The following RETSAT variants were observed in gnomAD, a reference collection of about 807,000 sequenced individuals.
RETSAT encodes retinol saturase.
A neutral mutation model predicts 61.6 loss-of-function variants in RETSAT; 35 were observed. The ratio of observed to expected loss-of-function variants is 0.57; its 90% CI spans 0.43 to 0.75. The LOEUF is 0.75. Ranked by LOEUF, RETSAT falls within the 30% of genes least tolerant of loss-of-function variation. RETSAT has a pLI of 0.00. For missense variants in RETSAT, 670 were observed against 759.5 expected (o/e 0.88, Z 1.38); for synonymous variants, 277 against 310.4 (o/e 0.89, Z 1.13).
intron 4 of RETSAT, 37 bp from the exon 5 acceptor site, chr2:85,349,618 A>G (rs1393647330): frequency 1.9e-6 from 3 of 1,554,666 alleles, no homozygotes; most frequent in Non-Finnish European, 2.7e-6. Context: ...CTGGCAAGAG[A>G]AGGCACCAGC....
At chr2:85,345,572 T>C (rs1683182148) in intron 6 of RETSAT, 1 of 352,782 alleles carries the variant, frequency 2.8e-6, no homozygotes, top group Non-Finnish European at 5.6e-6. Flanking sequence ...TCCAGTTACA[T>C]GAAGGTGGCG....
At position 85,351,105 on chromosome 2, in the gene RETSAT, G is replaced by C. The variant is rs575037899; in HGVS notation, c.356-84C>G. 10 of 1,543,194 alleles carry C rather than the reference G, an allele frequency of 6.5e-6. No homozygotes were observed. In the South Asian group the frequency reaches 1.1e-4, roughly 17 times the overall value. On this transcript the variant is annotated intron_variant, in intron 2 of 10. Transcript: ENST00000295802. ...GTGGCTGAGGAAGTGAGGTGGAAGA[G>C]TTTATCTGGCCTGGCCAAGTTCACG...
chr2:85,346,053 A>G lies in RETSAT; in HGVS notation c.1039T>C (p.Cys347Arg), dbSNP rs909275721. Residue 347 changes from cysteine (C) to arginine (R), a missense_variant, in exon 6 of 11, where the codon TGC becomes CGC. Physicochemically the swap from Cys to Arg is radical, Grantham distance 180. Transcript: ENST00000295802. Reference sequence around the variant, plus strand: ...CCTGCGTTGGAGACCACGATGGGGCAATAGATGTTCACCAGCTCATGCCCC... The same window carrying G: ...CCTGCGTTGGAGACCACGATGGGGCGATAGATGTTCACCAGCTCATGCCCC... ...KKGHELVNIY[C>R]PIVVSNAGLF... 2 of 1,614,102 alleles carry G rather than the reference A, an allele frequency of 1.2e-6. No individual in the cohort carries two copies. The highest frequency in any genetic ancestry group is 1.3e-5 in the African/African-American group (1 of 75,068).
intron 1 of RETSAT, among the ~76,000 whole-genome samples, chr2:85,353,185 AT>A: frequency 6.6e-6 from 1 of 152,248 alleles, no homozygotes; most frequent in Non-Finnish European, 1.5e-5. Flanking sequence ...GCCAGGCGTG[AT>A]GGCTCACGCC....
intron 4 of RETSAT, 67 bp downstream of exon 4, chr2:85,349,973 G>A (rs1329845854): frequency 1.7e-5 from 25 of 1,472,718 alleles, no homozygotes; most frequent in Non-Finnish European, 2.4e-5. Flanking sequence ...CGAGAAGAAA[G>A]ATTGAGAGAT....
chr2:85,348,569 T>G (rs1683241003), intron 5 of RETSAT, among the ~76,000 whole-genome samples: 1 of 127,134 alleles, frequency 7.9e-6, no homozygotes, highest in Non-Finnish European at 1.6e-5. Context: ...AGGCGGAGCT[T>G]GCAGTGAGCC....
At chr2:85,350,316 AC>A (rs1206117117) in intron 3 of RETSAT, 75 bp from the exon 4 acceptor site, 1 of 1,132,624 alleles carries the variant, frequency 8.8e-7, no homozygotes, top group Admixed American at 1.8e-5. Flanking sequence ...CATAGCCTGG[AC>A]CAGCCCAAGA....
intron 3 of RETSAT, among the ~76,000 whole-genome samples, 181 bp from the exon 4 acceptor site, chr2:85,350,422 G>C (rs1437208446): frequency 6.6e-6 from 1 of 152,152 alleles, no homozygotes; most frequent in African/African-American, 2.4e-5. Context: ...ACACTCGGAT[G>C]AGTCCTTTTT....
Position 85,351,751 on chromosome 2 carries a change from A to T in RETSAT, c.284T>A (p.Val95Glu), listed in dbSNP as rs1211084952. 2 of 1,614,182 alleles carry T rather than the reference A, an allele frequency of 1.2e-6. No individual in the cohort carries two copies. ...CCCTGCCTTGGTATGTTGTTCCAGC[A>T]CCAGGACTCGCTTGCCAGCTTTAGC... ...ILAKAGKRVL[V>E]LEQHTKAGGC... The change falls in exon 2 of 11, where the codon GTG becomes GAG. Residue 95 changes from valine to glutamate, a missense_variant. Val to Glu is a moderately radical substitution (Grantham distance 121). Coordinates refer to ENST00000295802, the MANE Select transcript of RETSAT (RefSeq NM_017750.4).
rs562876466 is a variant in RETSAT, at chr2:85,346,166, A to G, written c.998-72T>C. ...AGAGAAAGGCCCACGGCCCCCATGG[A>G]TCTCTCTCTGCCTGTGCCCATTTCT... On this transcript the variant is annotated intron_variant, in intron 5 of 10. Transcript: ENST00000295802. 1.9e-5 allele frequency: 29 copies of G among 1,555,228 alleles called. No homozygotes were observed. The South Asian group carries it at 3.2e-4, about 17-fold the overall frequency.
chr2:85,343,608 A>G (rs140433565), intron 10 of RETSAT, 31 bp downstream of exon 10: 35,968 of 1,611,610 alleles, frequency 0.022, 193 homozygotes, highest in Non-Finnish European at 0.026. Context: ...CCAGGGTCTC[A>G]GGTCCTGACA....
rs776208590 is a variant in RETSAT at position 85,346,106 on chromosome 2, A to G, written c.998-12T>C. The G allele has an allele frequency of 1.2e-6, 2 of 1,607,142 alleles. No homozygotes were observed. The highest frequency in any genetic ancestry group is 1.7e-5 in the Admixed American group (1 of 59,838). On this transcript the variant is annotated splice_polypyrimidine_tract_variant and intron_variant, in intron 5 of 10. Transcript: ENST00000295802. ...CTTCACACTGACACCTGCAGGCACA[A>G]GAGCTTGGCTGAGGGTCTGTGAGCT...
At chr2:85,347,784 T>C (rs544071408) in intron 5 of RETSAT, among the ~76,000 whole-genome samples, 1 of 152,352 alleles carries the variant, frequency 6.6e-6, no homozygotes, top group South Asian at 2.1e-4. Flanking sequence ...AAGGAGAACT[T>C]GTTCATGGAC....
rs986574163 is a variant in RETSAT, at chr2:85,349,496, A to C, written c.885T>G (p.Gly295=). The C allele has an allele frequency of 6.2e-7, 1 of 1,613,872 alleles. No individual in the cohort carries two copies. Among genetic ancestry groups the C allele is most frequent in the Non-Finnish European group, 8.5e-7 (1 of 1,179,976 alleles). Residue 295 remains glycine, a synonymous_variant, in exon 5 of 11, where the codon GGT becomes GGG. Transcript: ENST00000295802. Reference sequence around the variant, plus strand: ...TGGTGTGGAAGGCAATTTCACTGGAACCCCCTCGGGGATAAAAGCCTCCTT... The same window carrying C: ...TGGTGTGGAAGGCAATTTCACTGGACCCCCCTCGGGGATAAAAGCCTCCTT... The part of the protein sequence containing the change: ...YMKGGFYPRG[G]SSEIAFHTIP...
chr2:85,349,137 A>T (rs1683255996), intron 5 of RETSAT, among the ~76,000 whole-genome samples: 1 of 150,520 alleles, frequency 6.6e-6, no homozygotes, highest in Non-Finnish European at 1.5e-5. Flanking sequence ...TGATCCTCCC[A>T]TCTCAGCCTC....
chr2:85,344,545 C>G, intron 7 of RETSAT, 49 bp downstream of exon 7: 1 of 1,602,342 alleles, frequency 6.2e-7, no homozygotes, highest in East Asian at 2.2e-5. Flanking sequence ...TTCTCTGAGT[C>G]AAGCAGGGAG....
Position 85,350,093 on chromosome 2 carries a change from A to C in RETSAT, c.746T>G (p.Leu249Arg). 1 of 1,614,004 alleles carries C rather than the reference A, an allele frequency of 6.2e-7. No individual in the cohort carries two copies. Among genetic ancestry groups the C allele is most frequent in the Non-Finnish European group, 8.5e-7 (1 of 1,180,036 alleles). ...TQSLAEVLQQ[L>R]GASSELQAVL... Reference sequence around the variant, plus strand: ...TGCCTGGAGCTCAGAGGAGGCCCCCAGCTGCTGCAGGACCTCAGCCAGGCT... The same window carrying C: ...TGCCTGGAGCTCAGAGGAGGCCCCCCGCTGCTGCAGGACCTCAGCCAGGCT... The change falls in exon 4 of 11, where the codon CTG becomes CGG. Residue 249 changes from leucine to arginine, a missense_variant. Transcript: ENST00000295802.
intron 1 of RETSAT, 27 bp downstream of exon 1, chr2:85,354,309 C>T: frequency 6.2e-7 from 1 of 1,613,176 alleles, no homozygotes; most frequent in Non-Finnish European, 8.5e-7. Context: ...CGAGTGCAGC[C>T]CCGGACCCCA....
rs1573065602 is a variant in RETSAT, at chr2:85,351,167, G to A, written c.356-146C>T. On this transcript the variant is annotated intron_variant, in intron 2 of 10. Coordinates refer to ENST00000295802, the MANE Select transcript of RETSAT (RefSeq NM_017750.4). ...CTGCTCACTCTGTCTGTAGGGAGGT[G>A]TCACAGCAGAAACCGCCAGATCGCT... 2.1e-5 allele frequency: 20 copies of A among 958,786 alleles called. 1 individual carries two copies. In the South Asian group the frequency reaches 3.0e-4, roughly 15 times the overall value. 59.4% of individuals were successfully genotyped at this position (958,786 alleles called of 1,614,324 possible).
Sources: gnomAD v4.1 joint callset for allele counts (sites outside exome capture counted in the v4.1 genomes callset) on GRCh38, gnomAD v4.1.1 for gene constraint, MANE v1.5 for transcripts, NCBI Gene and HGNC (gene_info 2026-07-23, HGNC 2026-07-21) for gene names.